CADM2: variants seen among roughly 807,000 people sequenced by gnomAD.
The protein encoded by CADM2 is cell adhesion molecule 2.
CADM2 carries 12 observed loss-of-function variants against 49.8 expected under a neutral mutation model. The ratio of observed to expected loss-of-function variants is 0.24; its 90% CI spans 0.15 to 0.39. The LOEUF is 0.39. CADM2 is among the 10% of genes least tolerant of loss of function. The probability of loss-of-function intolerance (pLI) is 1.00; values close to 1 mark genes in which losing one functional copy is unlikely to be tolerated. For synonymous variants in CADM2, 214 were observed against 175.4 expected, an observed-to-expected ratio of 1.22 and a Z score of -1.74; for missense variants, 378 against 492.3, an observed-to-expected ratio of 0.77 and a Z score of 2.20.
At chr3:85,135,717 A>G (rs1398838352) in intron 1 of CADM2, among the ~76,000 whole-genome samples, 1 of 152,086 alleles carries the variant, frequency 6.6e-6, no homozygotes, top group African/African-American at 2.4e-5. Flanking sequence ...ATAGTATTCA[A>G]ATATTGCTGT....
At chr3:85,877,123 C>T (rs1035587608) in intron 3 of CADM2, among the ~76,000 whole-genome samples, 2 of 152,104 alleles carry the variant, frequency 1.3e-5, no homozygotes, top group African/African-American at 4.8e-5. Flanking sequence ...AATTACCCCA[C>T]CGGTGGGTAG....
intron 1 of CADM2, among the ~76,000 whole-genome samples, chr3:85,508,286 C>CA (rs1243522834): frequency 1.3e-5 from 2 of 152,112 alleles, no homozygotes; most frequent in Non-Finnish European, 2.9e-5. Flanking sequence ...ATTTCCCCCC[C>CA]AAAATAACCT....
At chr3:85,961,898 A>G (rs181854415) in intron 8 of CADM2, among the ~76,000 whole-genome samples, 1 of 151,882 alleles carries the variant, frequency 6.6e-6, no homozygotes, top group East Asian at 1.9e-4. Flanking sequence ...TACTTCTTAC[A>G]TGTTGGCTCG....
chr3:85,134,255 C>A lies in CADM2; in HGVS notation c.61+174587C>A, dbSNP rs553406448. Among the ~76,000 whole-genome samples, 87 of 152,330 alleles carry A rather than the reference C, an allele frequency of 5.7e-4. No individual in the cohort carries two copies. In the Middle Eastern group the frequency reaches 0.01, roughly 18 times the overall value. ...GCTCGCGCGTCTCCCTCCACACCTC[C>A]CTGCAAGCTGAGGGAGCCGGCTCTG... On this transcript the variant is annotated intron_variant, in intron 1 of 9. Transcript: ENST00000383699.
intron 8 of CADM2, among the ~76,000 whole-genome samples, chr3:86,044,348 C>T (rs1252883204): frequency 6.6e-6 from 1 of 152,130 alleles, no homozygotes; most frequent in African/African-American, 2.4e-5. Flanking sequence ...CTACAATGAA[C>T]TCAAACAAAT....
At chr3:85,009,644 T>A (rs1173862524) in intron 1 of CADM2, among the ~76,000 whole-genome samples, 1 of 152,080 alleles carries the variant, frequency 6.6e-6, no homozygotes, top group Admixed American at 6.6e-5. Flanking sequence ...GGCGGACGGA[T>A]TGCCTGAACT....
intron 2 of CADM2, among the ~76,000 whole-genome samples, chr3:85,801,275 A>G (rs2072014260): frequency 6.6e-6 from 1 of 152,156 alleles, no homozygotes; most frequent in East Asian, 1.9e-4. Flanking sequence ...GAAGAGCAAA[A>G]CCTTGATTAC....
chr3:86,047,116 G>T (rs1736777046), intron 8 of CADM2, among the ~76,000 whole-genome samples: 1 of 151,964 alleles, frequency 6.6e-6, no homozygotes, highest in Admixed American at 6.6e-5. Context: ...CAAATTGTTT[G>T]AGCACGATTG....
Position 85,125,359 on chromosome 3 carries a change from G to A in CADM2, c.61+165691G>A, listed in dbSNP as rs79339086. On this transcript the variant is annotated intron_variant, in intron 1 of 9. Coordinates refer to ENST00000383699, the MANE Select transcript of CADM2 (RefSeq NM_001167675.2). ...ATTTTGGCAAAGAGAGGAGACATTC[G>A]TGAACTTAGATTTTTGTTTTTTTTT... 5.3e-3 allele frequency among the ~76,000 whole-genome samples: 807 copies of A among 151,970 alleles called. 12 individuals are homozygous for A. The highest frequency in any genetic ancestry group is 0.019 in the African/African-American group (770 of 41,420).
intron 1 of CADM2, among the ~76,000 whole-genome samples, chr3:85,018,155 T>C (rs548507209): frequency 6.6e-6 from 1 of 152,308 alleles, no homozygotes; most frequent in African/African-American, 2.4e-5. Context: ...GTACCTGTGA[T>C]TATAGAATAT....
chr3:85,497,899 G>GTA (rs1003301043), intron 1 of CADM2, among the ~76,000 whole-genome samples: 6 of 151,242 alleles, frequency 4.0e-5, no homozygotes. Context: ...GTGTGTGTTT[G>GTA]TATATATATA....
At chr3:85,468,038 C>A (rs1241107011) in intron 1 of CADM2, among the ~76,000 whole-genome samples, 1 of 150,818 alleles carries the variant, frequency 6.6e-6, no homozygotes, top group South Asian at 2.1e-4. Flanking sequence ...CCTGTAGTCC[C>A]AGCTACTTGG....
At chr3:85,671,508 A>G (rs1003768320) in intron 1 of CADM2, among the ~76,000 whole-genome samples, 2 of 152,174 alleles carry the variant, frequency 1.3e-5, no homozygotes, top group Non-Finnish European at 2.9e-5. Context: ...ATAGCTGCCA[A>G]GTGACTGAAG....
chr3:85,965,393 T>C (rs938516409), intron 8 of CADM2, among the ~76,000 whole-genome samples: 2 of 150,922 alleles, frequency 1.3e-5, no homozygotes, highest in Non-Finnish European at 3.0e-5. Context: ...GTGCCAGTTA[T>C]ACAGATATAT....
intron 1 of CADM2, among the ~76,000 whole-genome samples, chr3:85,265,675 T>G (rs917469180): frequency 6.6e-6 from 1 of 151,418 alleles, no homozygotes; most frequent in Non-Finnish European, 1.5e-5. Flanking sequence ...ACATGAACTT[T>G]GGGGGACACA....
chr3:85,228,304 G>A (rs1057076377), intron 1 of CADM2, among the ~76,000 whole-genome samples: 10 of 152,018 alleles, frequency 6.6e-5, no homozygotes, highest in Admixed American at 3.9e-4. Context: ...CCTGTATTTC[G>A]TGGAAGCTTT....
chr3:85,979,727 T>TTTCTAAAA (rs1304979291), intron 8 of CADM2, among the ~76,000 whole-genome samples: 17 of 151,646 alleles, frequency 1.1e-4, no homozygotes, highest in Non-Finnish European at 1.9e-4. Flanking sequence ...TGTTCTAAAA[T>TTTCTAAAA]TGACATAGTC....
chr3:85,254,847 G>A (rs1291878838), intron 1 of CADM2, among the ~76,000 whole-genome samples: 1 of 152,020 alleles, frequency 6.6e-6, no homozygotes, highest in African/African-American at 2.4e-5. Flanking sequence ...TAAATGCCCT[G>A]ATGTTCCTCT....
intron 1 of CADM2, among the ~76,000 whole-genome samples, chr3:85,214,266 T>C (rs9882296): frequency 0.23 from 34,556 of 152,042 alleles, 6,579 homozygotes; most frequent in African/African-American, 0.53. Context: ...TTGTTCTCTT[T>C]CCTTACTTTC....
Sources: allele counts gnomAD v4.1 joint callset (sites outside exome capture counted in the v4.1 genomes callset), GRCh38; gene constraint gnomAD v4.1.1; transcripts MANE v1.5; gene names NCBI Gene and HGNC (gene_info 2026-07-23, HGNC 2026-07-21).